The following SEMA3E variants were observed in gnomAD, a reference collection of about 807,000 sequenced individuals.
SEMA3E encodes the protein semaphorin-3E.
Under a neutral mutation model 93.6 loss-of-function variants are expected in SEMA3E, and 49 were observed. The observed-to-expected ratio is 0.52, with a 90% CI of 0.42 to 0.66. The LOEUF is 0.66. SEMA3E is among the 30% of genes least tolerant of loss of function. The pLI is 0.00. For synonymous variants in SEMA3E, 363 were observed against 330.7 expected (o/e 1.10, Z -1.06); for missense variants, 906 against 964.8 (o/e 0.94, Z 0.81).
At chr7:83,639,136 A>AAAAAAAAAAAAAAAAAC (rs1562866057) in intron 1 of SEMA3E, among the ~76,000 whole-genome samples, 2 of 132,144 alleles carry the variant, frequency 1.5e-5, no homozygotes, top group African/African-American at 5.6e-5. Flanking sequence ...AAAAAAAAAA[A>AAAAAAAAAAAAAAAAAC]AAAACAGAGA....
In SEMA3E at chr7:83,385,329, A is replaced by G. The variant is rs1451654937; in HGVS notation, c.1840T>C (p.Phe614Leu). 6.2e-7 allele frequency: 1 copy of G among 1,613,338 alleles called. No homozygotes were observed. The highest frequency in any genetic ancestry group is 8.5e-7 in the Non-Finnish European group (1 of 1,179,578). ...CTTGTCTCACGTCCTTTCTGTACAA[A>G]CCAGATAACTTTCGCTTGTAAAGAT... ...PRSLQAKVIW[F>L]VQKGRETRKE... The change falls in exon 16 of 17, where the codon TTT becomes CTT. Residue 614 changes from phenylalanine (F) to leucine (L), a missense_variant. Phe to Leu is a conservative substitution (Grantham distance 22). Coordinates refer to ENST00000643230, the MANE Select transcript of SEMA3E (RefSeq NM_012431.3).
chr7:83,391,290 A>T (rs1057023269), intron 14 of SEMA3E, among the ~76,000 whole-genome samples: 3 of 152,272 alleles, frequency 2.0e-5, no homozygotes, highest in African/African-American at 7.2e-5. Flanking sequence ...GTAAGTGCTC[A>T]ACAGCAAGCT....
intron 1 of SEMA3E, among the ~76,000 whole-genome samples, chr7:83,599,301 T>A (rs2115974853): frequency 6.6e-6 from 1 of 152,296 alleles, no homozygotes; most frequent in African/African-American, 2.4e-5. Context: ...GCTATGGAAT[T>A]ACTTTCTTTT....
chr7:83,501,955 C>G (rs1279140489), intron 1 of SEMA3E, among the ~76,000 whole-genome samples: 2 of 152,132 alleles, frequency 1.3e-5, no homozygotes, highest in Non-Finnish European at 2.9e-5. Flanking sequence ...TCTTGACCCC[C>G]AAATCCATAC....
At chr7:83,629,488 C>G (rs942227155) in intron 1 of SEMA3E, among the ~76,000 whole-genome samples, 1 of 152,136 alleles carries the variant, frequency 6.6e-6, no homozygotes, top group Non-Finnish European at 1.5e-5. Context: ...AAATGCCCTG[C>G]CCAGAGAGGA....
At chr7:83,559,335 G>A (rs1791980611) in intron 1 of SEMA3E, among the ~76,000 whole-genome samples, 1 of 151,964 alleles carries the variant, frequency 6.6e-6, no homozygotes. Flanking sequence ...TAAATGTTTT[G>A]TTATATCCAT....
At chr7:83,642,658 GA>G (rs1171709077) in intron 1 of SEMA3E, among the ~76,000 whole-genome samples, 4 of 151,546 alleles carry the variant, frequency 2.6e-5, no homozygotes, top group Non-Finnish European at 4.4e-5. Flanking sequence ...GCTTTACTGT[GA>G]AAAAAAATAT....
At chr7:83,480,195 C>A (rs1301793512) in intron 2 of SEMA3E, among the ~76,000 whole-genome samples, 1 of 152,168 alleles carries the variant, frequency 6.6e-6, no homozygotes, top group Non-Finnish European at 1.5e-5. Flanking sequence ...AATCCTAGCA[C>A]TTTGAGAGAC....
intron 4 of SEMA3E, among the ~76,000 whole-genome samples, chr7:83,449,198 C>G (rs1004734849): frequency 4.0e-5 from 6 of 151,734 alleles, no homozygotes; most frequent in African/African-American, 1.5e-4. Flanking sequence ...CTCCTGGGCT[C>G]AAGTGATCCT....
At chr7:83,454,344 A>ACT (rs10684902) in intron 4 of SEMA3E, among the ~76,000 whole-genome samples, 96,401 of 145,438 alleles carry the variant, frequency 0.66, 34,024 homozygotes, top group East Asian at 1. Flanking sequence ...AATAACAGAA[A>ACT]CTTTAAAATA....
rs927368263 is a variant in SEMA3E at position 83,583,166 on chromosome 7, T to C, written c.115+65262A>G. Among the ~76,000 whole-genome samples the C allele has an allele frequency of 2.6e-5, 4 of 152,178 alleles. No homozygotes were observed. The East Asian group carries it at 7.7e-4, about 29-fold the overall frequency. ...AATATTTATGTAGGTCTAACATCTTTCTAAGACTACATGGAGTTAAACTGA... is the reference window on the plus strand; with the variant it reads ...AATATTTATGTAGGTCTAACATCTTCCTAAGACTACATGGAGTTAAACTGA... On this transcript the variant is annotated intron_variant, in intron 1 of 16. Transcript: ENST00000643230.
intron 16 of SEMA3E, among the ~76,000 whole-genome samples, chr7:83,379,017 T>C (rs752550173): frequency 1.2e-4 from 18 of 151,718 alleles, no homozygotes; most frequent in Admixed American, 5.9e-4. Flanking sequence ...CAATGGATGA[T>C]TGGATAAAGA....
intron 4 of SEMA3E, among the ~76,000 whole-genome samples, chr7:83,444,748 G>T (rs1027156533): frequency 6.7e-6 from 1 of 148,996 alleles, no homozygotes; most frequent in South Asian, 2.1e-4. Flanking sequence ...TCGGCTCACT[G>T]CAAACTCCGC....
chr7:83,593,252 C>CTCTCTCTG lies in SEMA3E; in HGVS notation c.115+55168_115+55175dup, dbSNP rs1309516699. Among the ~76,000 whole-genome samples, 222 of 120,670 alleles carry CTCTCTCTG rather than the reference C, an allele frequency of 1.8e-3. 4 individuals carry two copies. Among genetic ancestry groups the CTCTCTCTG allele is most frequent in the Middle Eastern group, 4.2e-3 (1 of 240 alleles). 79.2% of individuals were successfully genotyped at this position (120,670 alleles called of 152,430 possible). Reference sequence around the variant, plus strand: ...TCTCTCTCTCTTTCGCTCTTTCTCTCTCTCTCTGTCTCTCTCTCTCTCTCT... The same window carrying CTCTCTCTG: ...TCTCTCTCTCTTTCGCTCTTTCTCTCTCTCTCTGTCTCTCTGTCTCTCTCTCTCTCTCT... On this transcript the variant is annotated intron_variant, in intron 1 of 16. Coordinates refer to ENST00000643230, the MANE Select transcript of SEMA3E (RefSeq NM_012431.3).
chr7:83,620,234 T>C (rs1186551997), intron 1 of SEMA3E, among the ~76,000 whole-genome samples: 1 of 151,958 alleles, frequency 6.6e-6, no homozygotes, highest in Non-Finnish European at 1.5e-5. Flanking sequence ...GTGAGATAAA[T>C]TTGTTCACTG....
At chr7:83,530,935 T>C (rs1791281612) in intron 1 of SEMA3E, among the ~76,000 whole-genome samples, 1 of 152,142 alleles carries the variant, frequency 6.6e-6, no homozygotes, top group South Asian at 2.1e-4. Context: ...TGATGTAGTT[T>C]GTATTTTATA....
chr7:83,387,839 G>GTTTATATATATATAACA (rs1562756817), intron 14 of SEMA3E, among the ~76,000 whole-genome samples: 3 of 139,930 alleles, frequency 2.1e-5, no homozygotes, highest in African/African-American at 8.0e-5. Context: ...TATATATAAC[G>GTTTATATATATATAACA]TTATATATAT....
chr7:83,370,989 A>C (rs545326973), intron 16 of SEMA3E, among the ~76,000 whole-genome samples: 1 of 152,304 alleles, frequency 6.6e-6, no homozygotes, highest in African/African-American at 2.4e-5. Context: ...TCTAGAACCC[A>C]AAATTGCTTA....
chr7:83,575,199 G>A (rs1792373021), intron 1 of SEMA3E, among the ~76,000 whole-genome samples: 1 of 151,534 alleles, frequency 6.6e-6, no homozygotes, highest in African/African-American at 2.4e-5. Context: ...AAAAATAACA[G>A]CACACTCCCA....
Sources: allele counts gnomAD v4.1 joint callset (sites outside exome capture counted in the v4.1 genomes callset), GRCh38; gene constraint gnomAD v4.1.1; transcripts MANE v1.5; gene names NCBI Gene and HGNC (gene_info 2026-07-23, HGNC 2026-07-21).